Variants in DLGAP2 observed in about 807,000 individuals in gnomAD.
DLGAP2 encodes disks large-associated protein 2.
DLGAP2 carries 26 observed loss-of-function variants against 100.3 expected under a neutral mutation model. The ratio of observed to expected loss-of-function variants is 0.26; its 90% confidence interval spans 0.19 to 0.36. DLGAP2 has a LOEUF of 0.36. DLGAP2 is among the 10% of genes least tolerant of loss of function. DLGAP2 has a pLI of 1.00. For synonymous variants in DLGAP2, 886 were observed against 630.1 expected (o/e 1.41, Z -6.08); for missense variants, 1,858 against 1,453.2 (o/e 1.28, Z -4.53).
intron 1 of DLGAP2, among the ~76,000 whole-genome samples, chr8:817,302 T>G (rs1231892116): frequency 6.6e-6 from 1 of 152,232 alleles, no homozygotes; most frequent in Admixed American, 6.5e-5. Flanking sequence ...TTGAACTTGA[T>G]TTCCAGAAGT....
At chr8:1,210,984 A>T (rs1798092274) in intron 2 of DLGAP2, among the ~76,000 whole-genome samples, 1 of 152,200 alleles carries the variant, frequency 6.6e-6, no homozygotes, top group Non-Finnish European at 1.5e-5. Context: ...ACGTCCAGCG[A>T]GGCTGCGGCT....
At chr8:749,475 T>C (rs977720990) in intron 1 of DLGAP2, among the ~76,000 whole-genome samples, 6 of 152,212 alleles carry the variant, frequency 3.9e-5, no homozygotes, top group Admixed American at 2.0e-4. Flanking sequence ...TTTCACTTTA[T>C]ATTCTTTTCT....
intron 3 of DLGAP2, among the ~76,000 whole-genome samples, chr8:1,275,596 C>T (rs539470093): frequency 2.0e-5 from 3 of 150,574 alleles, no homozygotes; most frequent in African/African-American, 7.3e-5. Flanking sequence ...AAAGATAATG[C>T]AAAACCTCTA....
At chr8:1,124,864 C>T (rs1256680571) in intron 2 of DLGAP2, among the ~76,000 whole-genome samples, 1 of 152,176 alleles carries the variant, frequency 6.6e-6, no homozygotes, top group African/African-American at 2.4e-5. Context: ...ACCCCAGGCT[C>T]TGGGTTTCAG....
Position 1,291,571 on chromosome 8 carries a change from G to A in DLGAP2, c.106+32688G>A, listed in dbSNP as rs188447746. On this transcript the variant is annotated intron_variant, in intron 3 of 14. Transcript: ENST00000637795. The stretch of plus-strand genomic sequence containing the variant: ...CGAAGCCCTGCCATTCCTAATCCGG[G>A]GTGATTCTGGGGAAGCCCCTGCCTA... Among the ~76,000 whole-genome samples the A allele has an allele frequency of 2.2e-3, 335 of 152,260 alleles. 1 individual carries two copies. The highest frequency in any genetic ancestry group is 3.8e-3 in the Non-Finnish European group (261 of 68,006).
Position 1,103,969 on chromosome 8 carries a change from CAACA to C in DLGAP2, c.74-154878_74-154875del, listed in dbSNP as rs547282886. On this transcript the variant is annotated intron_variant, in intron 2 of 14. Transcript: ENST00000637795. ...GGACCTGGCTGTGGGAATCTTCTAA[CAACA>C]AACCCTTTCTGGGCCCCTGCATCAG... 7.9e-4 allele frequency among the ~76,000 whole-genome samples: 120 copies of C among 152,350 alleles called. No homozygotes were observed. In the Middle Eastern group the frequency reaches 0.014, roughly 17 times the overall value.
intron 2 of DLGAP2, among the ~76,000 whole-genome samples, chr8:1,114,088 A>G (rs1805042720): frequency 6.6e-6 from 1 of 152,016 alleles, no homozygotes; most frequent in Admixed American, 6.6e-5. Context: ...ATGCTGTTGG[A>G]TTTGGTTTGC....
intron 1 of DLGAP2, among the ~76,000 whole-genome samples, chr8:778,358 T>C (rs999485999): frequency 4.6e-5 from 7 of 152,248 alleles, no homozygotes; most frequent in Admixed American, 4.6e-4. Flanking sequence ...TCAAAGTCAT[T>C]CTCCGTCCAG....
intron 3 of DLGAP2, among the ~76,000 whole-genome samples, chr8:1,382,998 C>G (rs947098247): frequency 6.6e-6 from 1 of 152,072 alleles, no homozygotes; most frequent in Non-Finnish European, 1.5e-5. Flanking sequence ...CAGGCTGATA[C>G]AATTAGCATA....
intron 3 of DLGAP2, among the ~76,000 whole-genome samples, chr8:1,483,073 G>A (rs1186976265): frequency 6.6e-6 from 1 of 152,128 alleles, no homozygotes; most frequent in African/African-American, 2.4e-5. Context: ...CCGGAGAGGC[G>A]CAAGGGAGCC....
At chr8:1,677,885 G>A (rs540608624) in intron 11 of DLGAP2, among the ~76,000 whole-genome samples, 14 of 152,302 alleles carry the variant, frequency 9.2e-5, no homozygotes, top group East Asian at 5.8e-4. Flanking sequence ...GCATAAGCTC[G>A]TAGCATATTT....
At chr8:1,666,915 G>A (rs906140772) in intron 8 of DLGAP2, among the ~76,000 whole-genome samples, 12 of 152,256 alleles carry the variant, frequency 7.9e-5, no homozygotes, top group South Asian at 4.2e-4. Context: ...TGCAGCAGCC[G>A]GCAGCTGCTC....
At chr8:1,242,960 A>G (rs1221418295) in intron 2 of DLGAP2, among the ~76,000 whole-genome samples, 1 of 152,000 alleles carries the variant, frequency 6.6e-6, no homozygotes, top group African/African-American at 2.4e-5. Context: ...GATGGACAGA[A>G]CTTTCTCTGA....
At chr8:1,235,061 C>T (rs567988542) in intron 2 of DLGAP2, among the ~76,000 whole-genome samples, 121 of 151,900 alleles carry the variant, frequency 8.0e-4, no homozygotes, top group African/African-American at 2.8e-3. Context: ...AGTTCTCTCA[C>T]ATGGCATCGT....
At chr8:926,552 C>A (rs1798820215) in intron 2 of DLGAP2, among the ~76,000 whole-genome samples, 1 of 152,242 alleles carries the variant, frequency 6.6e-6, no homozygotes, top group African/African-American at 2.4e-5. Flanking sequence ...TCTCCTGGCT[C>A]CTGGAGGGCA....
intron 5 of DLGAP2, chr8:1,565,424 GT>G (rs1802357443): frequency 2.6e-6 from 1 of 381,402 alleles, no homozygotes; most frequent in Non-Finnish European, 4.6e-6. Flanking sequence ...GATTGCAAGT[GT>G]CCCTTCTTCT....
chr8:1,505,751 A>G (rs1224310680), intron 4 of DLGAP2, among the ~76,000 whole-genome samples: 1 of 152,244 alleles, frequency 6.6e-6, no homozygotes, highest in African/African-American at 2.4e-5. Context: ...CACTAGAATT[A>G]AATTGCTCTC....
intron 2 of DLGAP2, among the ~76,000 whole-genome samples, chr8:949,867 C>G (rs1799431897): frequency 6.6e-6 from 1 of 152,156 alleles, no homozygotes; most frequent in South Asian, 2.1e-4. Flanking sequence ...GGAACCGGCG[C>G]TTTTCTCTTG....
Position 1,090,163 on chromosome 8 carries a change from CAG to C in DLGAP2, c.74-168687_74-168686del, listed in dbSNP as rs10553856. On this transcript the variant is annotated intron_variant, in intron 2 of 14. Transcript: ENST00000637795. ...GCGCTCTGGAGCCCTCCTGGCCAGA[CAG>C]GGGTGGAAACTCATACCCCGAGGAC... 4.6e-3 allele frequency among the ~76,000 whole-genome samples: 595 copies of C among 128,896 alleles called. 5 individuals carry two copies. Among genetic ancestry groups the C allele is most frequent in the East Asian group, 0.011 (43 of 3,880 alleles). 84.6% of individuals were successfully genotyped at this position (128,896 alleles called of 152,430 possible). A position where few individuals can be genotyped will look rare whatever the true frequency, so the allele number is the denominator to read the frequency against.
Sources: gnomAD v4.1 joint callset for allele counts (sites outside exome capture counted in the v4.1 genomes callset) on GRCh38, gnomAD v4.1.1 for gene constraint, MANE v1.5 for transcripts, NCBI Gene and HGNC (gene_info 2026-07-23, HGNC 2026-07-21) for gene names.